TMEM178B: variants seen among roughly 807,000 people sequenced by gnomAD.
TMEM178B encodes the protein transmembrane protein 178B.
A neutral mutation model predicts 31.0 loss-of-function variants in TMEM178B; 5 were observed. The ratio of observed to expected loss-of-function variants is 0.16; its 90% CI spans 0.08 to 0.34. The LOEUF (loss-of-function observed/expected upper bound fraction) is 0.34. Among genes scored for constraint, TMEM178B ranks in the 10% least tolerant of loss-of-function variants. The pLI, the probability that TMEM178B is intolerant of heterozygous loss-of-function variation, is 1.00. For synonymous variants in TMEM178B, 164 were observed against 164.0 expected, an observed-to-expected ratio of 1.00 and a Z score of 0.00; for missense variants, 275 against 400.3, an observed-to-expected ratio of 0.69 and a Z score of 2.67.
chr7:141,091,169 A>T (rs1400798924), intron 1 of TMEM178B, among the ~76,000 whole-genome samples: 1 of 152,158 alleles, frequency 6.6e-6, no homozygotes, highest in African/African-American at 2.4e-5. Flanking sequence ...TTTCTGCCCA[A>T]GTTGTATAAA....
chr7:141,262,315 A>G (rs1349864219), intron 2 of TMEM178B, among the ~76,000 whole-genome samples: 1 of 152,074 alleles, frequency 6.6e-6, no homozygotes, highest in African/African-American at 2.4e-5. Context: ...CTGGCTCTCC[A>G]GGCTGATTCC....
chr7:141,335,180 G>A lies in TMEM178B; in HGVS notation c.497-102428G>A, dbSNP rs143846803. On this transcript the variant is annotated intron_variant, in intron 2 of 3. Transcript: ENST00000565468. Reference sequence around the variant, plus strand: ...GGAGGGAAATTAATGTCAGGAGACCGAGAGAGTCTGGCCCAGCAGAAGGAA... The same window carrying A: ...GGAGGGAAATTAATGTCAGGAGACCAAGAGAGTCTGGCCCAGCAGAAGGAA... 6.6e-5 allele frequency among the ~76,000 whole-genome samples: 10 copies of A among 152,260 alleles called. No individual in the cohort carries two copies. The East Asian group carries it at 7.7e-4, about 12-fold the overall frequency.
At chr7:141,365,767 T>G (rs1282510191) in intron 2 of TMEM178B, among the ~76,000 whole-genome samples, 1 of 152,162 alleles carries the variant, frequency 6.6e-6, no homozygotes, top group Non-Finnish European at 1.5e-5. Context: ...TCATATTGGA[T>G]TAAGGGCCTA....
chr7:141,472,451 T>C lies in TMEM178B; in HGVS notation c.*1665T>C, dbSNP rs962199850. The stretch of plus-strand genomic sequence containing the variant: ...CTGGCAAGCAAAGTCAGCCAGAGAG[T>C]TGTGAACGCTGTAGGGGTGGGAGTC... On this transcript the variant is annotated 3_prime_UTR_variant, in exon 4 of 4. Transcript: ENST00000565468. The C allele has an allele frequency of 6.6e-6, 1 of 151,394 alleles. No individual in the cohort carries two copies. Among genetic ancestry groups the C allele is most frequent in the African/African-American group, 2.4e-5 (1 of 41,120 alleles). The allele number at this position is 151,394 out of a possible 1,614,324, so 9.4% of individuals were successfully genotyped here.
chr7:141,466,786 C>T (rs1393310727), intron 3 of TMEM178B, among the ~76,000 whole-genome samples: 1 of 152,180 alleles, frequency 6.6e-6, no homozygotes, highest in Non-Finnish European at 1.5e-5. Context: ...GAACTCACCT[C>T]ACTGCCCCCG....
intron 1 of TMEM178B, among the ~76,000 whole-genome samples, chr7:141,204,270 G>T (rs1189722952): frequency 6.6e-6 from 1 of 152,164 alleles, no homozygotes; most frequent in Non-Finnish European, 1.5e-5. Flanking sequence ...ATTCCAGGGG[G>T]ACCCTCTGAG....
intron 2 of TMEM178B, among the ~76,000 whole-genome samples, chr7:141,361,436 G>C (rs767163557): frequency 3.3e-5 from 5 of 152,212 alleles, no homozygotes; most frequent in Non-Finnish European, 5.9e-5. Context: ...AGGAGAATGA[G>C]AGGTCCTGGT....
chr7:141,183,209 C>G (rs915305679), intron 1 of TMEM178B, among the ~76,000 whole-genome samples: 2 of 152,188 alleles, frequency 1.3e-5, no homozygotes, highest in Non-Finnish European at 2.9e-5. Context: ...CAGACCTGAA[C>G]TCTTTCAGCA....
chr7:141,170,848 C>T (rs1056741831), intron 1 of TMEM178B, among the ~76,000 whole-genome samples: 6 of 152,144 alleles, frequency 3.9e-5, no homozygotes, highest in Non-Finnish European at 5.9e-5. Flanking sequence ...CCTTCCCAGC[C>T]GCACTATCAC....
chr7:141,081,507 A>G (rs761719637), intron 1 of TMEM178B, among the ~76,000 whole-genome samples: 20 of 151,984 alleles, frequency 1.3e-4, no homozygotes, highest in Non-Finnish European at 1.0e-4. Flanking sequence ...ATGGTGGCAC[A>G]TGCCTGTAAT....
intron 1 of TMEM178B, among the ~76,000 whole-genome samples, chr7:141,087,395 C>T (rs1794805870): frequency 6.6e-6 from 1 of 152,140 alleles, no homozygotes; most frequent in Non-Finnish European, 1.5e-5. Context: ...ACAAGTCATT[C>T]CAGCCCCTTT....
rs997354164 is a variant in TMEM178B at position 141,171,064 on chromosome 7, A to G, written c.383-41527A>G. On this transcript the variant is annotated intron_variant, in intron 1 of 3. Transcript: ENST00000565468. This position sits in a 1 kb window ranked among gnomAD's most constrained non-coding sequence, Gnocchi z 4.3. ...CACACACACACACACACACACACAC[A>G]CCCTAAATATAAATTAAAATAAATA... 7.2e-6 allele frequency among the ~76,000 whole-genome samples: 1 copy of G among 139,566 alleles called. No individual in the cohort carries two copies. Among genetic ancestry groups the G allele is most frequent in the Non-Finnish European group, 1.6e-5 (1 of 63,870 alleles). 91.6% of individuals were successfully genotyped at this position (139,566 alleles called of 152,430 possible). A position where few individuals can be genotyped will look rare whatever the true frequency, so the allele number is the denominator to read the frequency against.
chr7:141,161,954 G>A (rs976574229), intron 1 of TMEM178B, among the ~76,000 whole-genome samples: 5 of 71,942 alleles, frequency 7.0e-5, no homozygotes, highest in Admixed American at 6.4e-4. Context: ...ATTTGTGAGA[G>A]AGCATGAGAG....
At chr7:141,096,357 T>C (rs1345098281) in intron 1 of TMEM178B, among the ~76,000 whole-genome samples, 1 of 152,220 alleles carries the variant, frequency 6.6e-6, no homozygotes, top group Non-Finnish European at 1.5e-5. Context: ...CACTTCCATG[T>C]CTGTCCCATA....
At chr7:141,314,383 G>T (rs544534939) in intron 2 of TMEM178B, among the ~76,000 whole-genome samples, 4 of 152,330 alleles carry the variant, frequency 2.6e-5, no homozygotes, top group African/African-American at 7.2e-5. Flanking sequence ...ACAGGACAAG[G>T]TTCCTTCTGA....
intron 2 of TMEM178B, among the ~76,000 whole-genome samples, chr7:141,220,548 G>C (rs1797241524): frequency 6.6e-6 from 1 of 151,982 alleles, no homozygotes; most frequent in African/African-American, 2.4e-5. Flanking sequence ...GCCTGGAGTA[G>C]GGGTGGGAGG....
chr7:141,218,419 G>C (rs1797196612), intron 2 of TMEM178B, among the ~76,000 whole-genome samples: 1 of 152,144 alleles, frequency 6.6e-6, no homozygotes, highest in Admixed American at 6.5e-5. Context: ...GGAGGGACAA[G>C]AAGTAAAAAT....
intron 2 of TMEM178B, among the ~76,000 whole-genome samples, chr7:141,305,954 G>A (rs577825552): frequency 2.6e-4 from 40 of 152,096 alleles, no homozygotes; most frequent in Admixed American, 1.8e-3. Context: ...GCCAGGTGTC[G>A]TAGCCATGTA....
intron 2 of TMEM178B, among the ~76,000 whole-genome samples, chr7:141,245,138 C>CCAGCCTG (rs1420529873): frequency 8.4e-6 from 1 of 119,212 alleles, no homozygotes; most frequent in East Asian, 2.6e-4. Context: ...ACTCCGAACT[C>CCAGCCTG]CAGCCTGGGT....
Sources: allele counts gnomAD v4.1 joint callset (sites outside exome capture counted in the v4.1 genomes callset), GRCh38; gene constraint gnomAD v4.1.1; non-coding constraint Gnocchi (gnomAD v3.1); transcripts MANE v1.5; gene names NCBI Gene and HGNC (gene_info 2026-07-23, HGNC 2026-07-21).